The following CNTNAP2 variants were observed in gnomAD, a reference collection of about 807,000 sequenced individuals.
CNTNAP2 encodes the protein contactin associated protein 2.
Under a neutral mutation model 155.2 loss-of-function variants are expected in CNTNAP2, and 98 were observed. The observed-to-expected ratio is 0.63, with a 90% confidence interval of 0.54 to 0.75. CNTNAP2 has a LOEUF of 0.75. CNTNAP2 is among the 30% of genes least tolerant of loss of function. CNTNAP2 has a pLI of 0.00. For missense variants in CNTNAP2, 1,727 were observed against 1,688.1 expected (o/e 1.02, Z -0.40); for synonymous variants, 651 against 631.2 (o/e 1.03, Z -0.47).
At chr7:147,281,983 G>T (rs1805045428) in intron 8 of CNTNAP2, among the ~76,000 whole-genome samples, 2 of 151,976 alleles carry the variant, frequency 1.3e-5, no homozygotes, top group East Asian at 1.9e-4. Flanking sequence ...GCTGTTGGGG[G>T]ATAGACAGGA....
chr7:147,248,916 G>A (rs749454656), intron 8 of CNTNAP2, among the ~76,000 whole-genome samples: 7 of 152,118 alleles, frequency 4.6e-5, no homozygotes, highest in African/African-American at 7.2e-5. Flanking sequence ...GAGTCAGGAC[G>A]AAGCACAGGA....
intron 10 of CNTNAP2, among the ~76,000 whole-genome samples, chr7:147,452,477 C>A (rs916612630): frequency 6.6e-6 from 1 of 152,100 alleles, no homozygotes; most frequent in Non-Finnish European, 1.5e-5. Context: ...TAGGGCATTT[C>A]TTTAAATCTA....
intron 3 of CNTNAP2, among the ~76,000 whole-genome samples, chr7:147,042,635 A>G (rs1799281816): frequency 6.6e-6 from 1 of 152,158 alleles, no homozygotes; most frequent in Admixed American, 6.5e-5. Flanking sequence ...TTTTTAAAAG[A>G]CAAAACTCCT....
Position 147,767,358 on chromosome 7 carries a change from T to A in CNTNAP2, c.2098+128052T>A, listed in dbSNP as rs148728979. Among the ~76,000 whole-genome samples the A allele has an allele frequency of 3.6e-4, 55 of 152,186 alleles. No homozygotes were observed. The East Asian group carries it at 9.1e-3, about 25-fold the overall frequency. On this transcript the variant is annotated intron_variant, in intron 13 of 23. Coordinates refer to ENST00000361727, the MANE Select transcript of CNTNAP2 (RefSeq NM_014141.6). ...TGGTGTATCACTGACAGCTCTGAGTTGACTCCAGGACAATTAGAAAGAAAT... is the reference window on the plus strand; with the variant it reads ...TGGTGTATCACTGACAGCTCTGAGTAGACTCCAGGACAATTAGAAAGAAAT...
At chr7:147,509,889 T>TGA (rs1469571745) in intron 11 of CNTNAP2, among the ~76,000 whole-genome samples, 2 of 152,168 alleles carry the variant, frequency 1.3e-5, no homozygotes, top group Non-Finnish European at 2.9e-5. Flanking sequence ...TTTTAGTTAC[T>TGA]GAACTTCGAT....
At chr7:147,022,463 A>G (rs2129247010) in intron 3 of CNTNAP2, among the ~76,000 whole-genome samples, 1 of 152,268 alleles carries the variant, frequency 6.6e-6, no homozygotes, top group East Asian at 1.9e-4. Context: ...AGGGTTATCT[A>G]CAAACATAAT....
chr7:147,866,177 T>G (rs144354673), intron 13 of CNTNAP2, among the ~76,000 whole-genome samples: 6 of 152,344 alleles, frequency 3.9e-5, no homozygotes, highest in Middle Eastern at 6.8e-3. Context: ...CATTTCGTCA[T>G]GTACCCAGTA....
At chr7:147,132,866 C>T (rs777639326) in intron 8 of CNTNAP2, among the ~76,000 whole-genome samples, 2 of 152,100 alleles carry the variant, frequency 1.3e-5, no homozygotes, top group Non-Finnish European at 2.9e-5. Context: ...GGTATCTTTT[C>T]TCTTTATCAA....
chr7:147,636,207 G>A (rs1795178198), intron 12 of CNTNAP2, among the ~76,000 whole-genome samples: 1 of 152,118 alleles, frequency 6.6e-6, no homozygotes, highest in African/African-American at 2.4e-5. Flanking sequence ...TACCATGGGG[G>A]ACACTGTAAC....
At chr7:148,030,672 T>C (rs1309487407) in intron 15 of CNTNAP2, among the ~76,000 whole-genome samples, 2 of 71,224 alleles carry the variant, frequency 2.8e-5, no homozygotes, top group Non-Finnish European at 7.3e-5. Context: ...TCCAGCTCTT[T>C]TTTTTTTTTT....
rs1024639473 is a variant in CNTNAP2, at chr7:147,531,393, C to T, written c.1778-30745C>T. 5.3e-5 allele frequency among the ~76,000 whole-genome samples: 8 copies of T among 152,336 alleles called. No homozygotes were observed. In the East Asian group the frequency reaches 5.8e-4, roughly 11 times the overall value. On this transcript the variant is annotated intron_variant, in intron 11 of 23. Transcript: ENST00000361727. ...GCAAATTTCTGCCTTAGCATCTAGG[C>T]GCTTCCATACATCCTCTGAAATCTA...
intron 1 of CNTNAP2, among the ~76,000 whole-genome samples, chr7:146,356,294 T>C (rs1477027162): frequency 6.6e-6 from 1 of 152,226 alleles, no homozygotes; most frequent in East Asian, 1.9e-4. Context: ...TCTTGAACTC[T>C]AACCTTTAAG....
rs60828609 is a variant in CNTNAP2, at chr7:146,303,072, ATGTGTGTGTGTG to A, written c.97+186124_97+186135del. On this transcript the variant is annotated intron_variant, in intron 1 of 23. Transcript: ENST00000361727. Reference sequence around the variant, plus strand: ...AGAAACTAGGTACACCTTTGTGTGCATGTGTGTGTGTGTGTGTGTGTGTGTGTGTGTGTGTGC... The same window carrying A: ...AGAAACTAGGTACACCTTTGTGTGCATGTGTGTGTGTGTGTGTGTGTGTGC... 4.0e-4 allele frequency among the ~76,000 whole-genome samples: 55 copies of A among 136,492 alleles called. 1 individual carries two copies. The highest frequency in any genetic ancestry group is 1.3e-3 in the African/African-American group (50 of 38,938). The allele number at this position is 136,492 out of a possible 152,430, so 89.5% of individuals were successfully genotyped here. A position where few individuals can be genotyped will look rare whatever the true frequency, so the allele number is the denominator to read the frequency against.
intron 13 of CNTNAP2, among the ~76,000 whole-genome samples, chr7:147,771,490 G>T (rs1797468475): frequency 1.3e-5 from 2 of 152,222 alleles, no homozygotes; most frequent in African/African-American, 4.8e-5. Context: ...TTCTAAGGCA[G>T]GGAGGCTACA....
At chr7:147,593,872 T>C (rs1800782256) in intron 12 of CNTNAP2, among the ~76,000 whole-genome samples, 1 of 152,170 alleles carries the variant, frequency 6.6e-6, no homozygotes, top group South Asian at 2.1e-4. Context: ...TTACAACAAT[T>C]GTTGACATTT....
At chr7:147,372,530 T>G (rs1796364557) in intron 9 of CNTNAP2, among the ~76,000 whole-genome samples, 1 of 152,088 alleles carries the variant, frequency 6.6e-6, no homozygotes, top group South Asian at 2.1e-4. Flanking sequence ...TTAACAGAAG[T>G]CAAGAGACAT....
At chr7:147,473,442 A>G (rs1176692214) in intron 10 of CNTNAP2, among the ~76,000 whole-genome samples, 1 of 152,132 alleles carries the variant, frequency 6.6e-6, no homozygotes, top group Non-Finnish European at 1.5e-5. Context: ...AAATAGCGGC[A>G]GCACCGGGAG....
intron 15 of CNTNAP2, among the ~76,000 whole-genome samples, chr7:147,997,238 C>T (rs912740735): frequency 3.9e-5 from 6 of 152,164 alleles, no homozygotes; most frequent in African/African-American, 1.2e-4. Context: ...ACGATGCCTC[C>T]GTTCTTGTCT....
chr7:147,497,492 C>G (rs925562707), intron 11 of CNTNAP2, among the ~76,000 whole-genome samples: 4 of 152,174 alleles, frequency 2.6e-5, no homozygotes, highest in South Asian at 2.1e-4. Context: ...GTCATGTGAT[C>G]AACTTTCACT....
Sources: allele counts gnomAD v4.1 joint callset (sites outside exome capture counted in the v4.1 genomes callset), GRCh38; gene constraint gnomAD v4.1.1; transcripts MANE v1.5; gene names NCBI Gene and HGNC (gene_info 2026-07-23, HGNC 2026-07-21).